CUL1: variants seen among roughly 807,000 people sequenced by gnomAD.
CUL1 encodes cullin-1.
In CUL1, 24 loss-of-function variants were observed where a neutral mutation model predicts 118.0. The observed-to-expected ratio is 0.20, with a 90% CI of 0.15 to 0.29. CUL1 has a LOEUF of 0.29. CUL1 is among the 10% of genes least tolerant of loss of function. The pLI, the probability that CUL1 is intolerant of heterozygous loss-of-function variation, is 1.00. For synonymous variants in CUL1, 332 were observed against 340.4 expected, an observed-to-expected ratio of 0.98 and a Z score of 0.27; for missense variants, 361 against 933.8, an observed-to-expected ratio of 0.39 and a Z score of 7.99.
intron 9 of CUL1, among the ~76,000 whole-genome samples, chr7:148,771,291 G>A (rs949112425): frequency 3.9e-5 from 6 of 152,194 alleles, no homozygotes; most frequent in South Asian, 2.1e-4. Flanking sequence ...ACTGAAATTC[G>A]TAGAGGTTTC....
At chr7:148,737,844 C>A (rs1175078948) in intron 2 of CUL1, among the ~76,000 whole-genome samples, 1 of 151,954 alleles carries the variant, frequency 6.6e-6, no homozygotes, top group Non-Finnish European at 1.5e-5. Context: ...GCAATCTGTT[C>A]ACCTCGGCCT....
At chr7:148,786,865 C>A in intron 12 of CUL1, 124 bp from the exon 13 acceptor site, 2 of 1,282,996 alleles carry the variant, frequency 1.6e-6, no homozygotes, top group Non-Finnish European at 2.1e-6. Flanking sequence ...TAAACGTTGG[C>A]GTACAGACCT....
chr7:148,733,545 G>A (rs543832188), intron 2 of CUL1, among the ~76,000 whole-genome samples: 245 of 152,296 alleles, frequency 1.6e-3, no homozygotes, highest in Middle Eastern at 6.8e-3. Context: ...TCTTACTGGT[G>A]TATATTTGGT....
chr7:148,732,345 A>ATT lies in CUL1; in HGVS notation c.140+2100_140+2101dup, dbSNP rs34013582. Among the ~76,000 whole-genome samples the ATT allele has an allele frequency of 7.0e-4, 94 of 134,884 alleles. 2 individuals carry two copies. The South Asian group carries it at 0.011, about 16-fold the overall frequency. 88.5% of individuals were successfully genotyped at this position (134,884 alleles called of 152,430 possible). A position where few individuals can be genotyped will look rare whatever the true frequency, so the allele number is the denominator to read the frequency against. On this transcript the variant is annotated intron_variant, in intron 2 of 21. Coordinates refer to ENST00000325222, the MANE Select transcript of CUL1 (RefSeq NM_003592.3). ...AATTAATATGCCTTGTAAGTCATCC[A>ATT]TTTTTTTTTTTTTTTTTTGACAGAG...
Position 148,800,675 on chromosome 7 carries a change from G to A in CUL1, c.*93G>A, listed in dbSNP as rs1462271558. ...TCAAGTTCATAGCAGCCAGCCTGCC[G>A]CCATTGGACCTCCCTTTTAAAAACT... On this transcript the variant is annotated 3_prime_UTR_variant, in exon 22 of 22. Transcript: ENST00000325222. The surrounding 1 kb of genome is among the most constrained non-coding windows in gnomAD (Gnocchi z 4.6). The A allele has an allele frequency of 1.2e-5, 12 of 963,498 alleles. No homozygotes were observed. The highest frequency in any genetic ancestry group is 2.2e-5 in the Admixed American group (1 of 46,204). The allele number at this position is 963,498 out of a possible 1,614,324, so 59.7% of individuals were successfully genotyped here.
intron 1 of CUL1, among the ~76,000 whole-genome samples, chr7:148,720,279 G>A (rs780008354): frequency 6.6e-6 from 1 of 152,176 alleles, no homozygotes; most frequent in Non-Finnish European, 1.5e-5. Context: ...GATTGGAGGG[G>A]ACGAGGCCAG....
intron 1 of CUL1, among the ~76,000 whole-genome samples, chr7:148,722,420 C>T (rs557566016): frequency 2.5e-4 from 38 of 152,328 alleles, no homozygotes; most frequent in South Asian, 6.2e-4. Flanking sequence ...AGCCGCTTCT[C>T]ACACTGCTTC....
chr7:148,766,702 T>C lies in CUL1; in HGVS notation c.931T>C (p.Leu311=), dbSNP rs1800017822. ...EIFHTEFQNL[L]DADKNEDLGR... is the part of the protein sequence containing the mutation. ...TTTCCACACAGAATTTCAGAATTTATTGGATGCTGACAAAAATGAAGGTGA... is the reference window on the plus strand; with the variant it reads ...TTTCCACACAGAATTTCAGAATTTACTGGATGCTGACAAAAATGAAGGTGA... Residue 311 remains leucine (L), a synonymous_variant, in exon 8 of 22, where the codon TTG becomes CTG. Coordinates refer to ENST00000325222, the MANE Select transcript of CUL1 (RefSeq NM_003592.3). 4 of 1,612,200 alleles carry C rather than the reference T, an allele frequency of 2.5e-6. No homozygotes were observed. The highest frequency in any genetic ancestry group is 1.7e-4 in the Middle Eastern group (1 of 6,050).
At chr7:148,729,254 ATCTTATTTAAAC>A (rs1209820156) in intron 1 of CUL1, among the ~76,000 whole-genome samples, 1 of 152,228 alleles carries the variant, frequency 6.6e-6, no homozygotes, top group Non-Finnish European at 1.5e-5. Context: ...CTAATACATT[ATCTTATTTAAAC>A]TCTGCATATC....
intron 1 of CUL1, among the ~76,000 whole-genome samples, chr7:148,722,209 G>A (rs1226071383): frequency 2.0e-5 from 3 of 152,112 alleles, no homozygotes; most frequent in Non-Finnish European, 2.9e-5. Flanking sequence ...CTGGAGGTTT[G>A]AATCCTCAGT....
chr7:148,768,290 C>G (rs911227621), intron 9 of CUL1, among the ~76,000 whole-genome samples: 3 of 151,316 alleles, frequency 2.0e-5, no homozygotes, highest in Non-Finnish European at 4.4e-5. Flanking sequence ...GAAATAATTG[C>G]GTTTTTAAGA....
intron 1 of CUL1, among the ~76,000 whole-genome samples, chr7:148,707,906 G>A (rs550391580): frequency 3.5e-4 from 54 of 152,230 alleles, no homozygotes; most frequent in Non-Finnish European, 7.2e-4. Context: ...AGGATGTCTT[G>A]CGTTAGAGGA....
chr7:148,750,345 A>G (rs969777404), intron 2 of CUL1, among the ~76,000 whole-genome samples: 6 of 151,252 alleles, frequency 4.0e-5, no homozygotes, highest in Admixed American at 1.3e-4. Context: ...ACATATGCAC[A>G]ATGTGCAGGT....
Position 148,793,656 on chromosome 7 carries a change from A to G in CUL1, c.1899+838A>G, listed in dbSNP as rs184039543. Among the ~76,000 whole-genome samples, 13 of 152,326 alleles carry G rather than the reference A, an allele frequency of 8.5e-5. No individual in the cohort carries two copies. In the East Asian group the frequency reaches 9.6e-4, roughly 11 times the overall value. On this transcript the variant is annotated intron_variant, in intron 17 of 21. Coordinates refer to ENST00000325222, the MANE Select transcript of CUL1 (RefSeq NM_003592.3). ...TTTCTTTTTGTGGTCGAATAATCCAATGTATAGATGGACCACATTTTATTT... is the reference window on the plus strand; with the variant it reads ...TTTCTTTTTGTGGTCGAATAATCCAGTGTATAGATGGACCACATTTTATTT...
chr7:148,787,046 A>G lies in CUL1; in HGVS notation c.1405A>G (p.Met469Val). The part of the protein sequence containing the change: ...KDVFQKFYAK[M>V]LAKRLVHQNS... The stretch of plus-strand genomic sequence containing the variant: ...CGTATTTCAGAAGTTCTATGCGAAG[A>G]TGCTCGCCAAGAGGCTCGTCCACCA... Residue 469 changes from methionine to valine, a missense_variant, in exon 13 of 22, where the codon ATG becomes GTG. Coordinates refer to ENST00000325222, the MANE Select transcript of CUL1 (RefSeq NM_003592.3). This position sits in a 1 kb window ranked among gnomAD's most constrained non-coding sequence, Gnocchi z 5.5. 1 of 1,613,694 alleles carries G rather than the reference A, an allele frequency of 6.2e-7. No homozygotes were observed. The highest frequency in any genetic ancestry group is 8.5e-7 in the Non-Finnish European group (1 of 1,179,828).
At chr7:148,794,378 A>C (rs1350060796) in intron 17 of CUL1, among the ~76,000 whole-genome samples, 3 of 152,210 alleles carry the variant, frequency 2.0e-5, no homozygotes, top group African/African-American at 7.2e-5. Flanking sequence ...TCAGTTGGCC[A>C]TAGGTATATA....
chr7:148,779,145 G>T (rs1800524363), intron 9 of CUL1, among the ~76,000 whole-genome samples: 1 of 152,162 alleles, frequency 6.6e-6, no homozygotes, highest in Non-Finnish European at 1.5e-5. Context: ...TTTTCTCTTC[G>T]TGAAATTGGC....
At position 148,783,907 on chromosome 7, in the gene CUL1, T is replaced by G. The variant is rs1288080493; in HGVS notation, c.1191+17T>G. 2 of 1,613,814 alleles carry G rather than the reference T, an allele frequency of 1.2e-6. No individual in the cohort carries two copies. On this transcript the variant is annotated intron_variant, in intron 10 of 21. Transcript: ENST00000325222. ...CTTGATAAGGTAGGTGCGTGAGGGT[T>G]GTGACTTGCCTGTAGTATGTATGGA...
intron 3 of CUL1, among the ~76,000 whole-genome samples, chr7:148,755,098 G>A (rs941259625): frequency 1.3e-5 from 2 of 152,184 alleles, no homozygotes; most frequent in Admixed American, 6.5e-5. Context: ...TCGTGACTAC[G>A]ATGAGTTTCA....
Sources: gnomAD v4.1 joint callset for allele counts (sites outside exome capture counted in the v4.1 genomes callset) on GRCh38, gnomAD v4.1.1 for gene constraint, Gnocchi (gnomAD v3.1) non-coding constraint, MANE v1.5 for transcripts, NCBI Gene and HGNC (gene_info 2026-07-23, HGNC 2026-07-21) for gene names.